The following DHX32 variants were observed in gnomAD, a reference collection of about 807,000 sequenced individuals.
DHX32 encodes the protein putative pre-mRNA-splicing factor ATP-dependent RNA helicase DHX32.
A neutral mutation model predicts 70.0 loss-of-function variants in DHX32; 51 were observed. That is an observed-to-expected ratio of 0.73 (90% CI 0.58 to 0.92). The LOEUF (loss-of-function observed/expected upper bound fraction) is 0.92. Ranked by LOEUF, DHX32 falls within the 40% of genes least tolerant of loss-of-function variation. The probability of loss-of-function intolerance (pLI) is 0.00; values close to 1 mark genes in which losing one functional copy is unlikely to be tolerated. For missense variants in DHX32, 762 were observed against 891.8 expected (o/e 0.85, Z 1.85); for synonymous variants, 310 against 315.3 (o/e 0.98, Z 0.18).
Position 125,873,154 on chromosome 10 carries a change from T to C in DHX32, c.283-5971A>G, listed in dbSNP as rs75237374. ...AGCAGCGGCATCACGTATCCGTGTA[T>C]GGTCTCATCACTGCCACTGTGGCAA... On this transcript the variant is annotated intron_variant, in intron 1 of 10. Coordinates refer to ENST00000284690, the MANE Select transcript of DHX32 (RefSeq NM_018180.3). 8.9e-4 allele frequency among the ~76,000 whole-genome samples: 136 copies of C among 152,334 alleles called. 1 individual carries two copies. The highest frequency in any genetic ancestry group is 3.2e-3 in the African/African-American group (135 of 41,574).
At chr10:125,879,712 C>T (rs1345161946) in intron 1 of DHX32, among the ~76,000 whole-genome samples, 1 of 152,110 alleles carries the variant, frequency 6.6e-6, no homozygotes, top group East Asian at 1.9e-4. Flanking sequence ...AATGCAGGGG[C>T]ATCATCACAG....
chr10:125,838,974 T>C (rs1291361947), intron 9 of DHX32, 27 bp downstream of exon 9: 4 of 1,606,346 alleles, frequency 2.5e-6, no homozygotes, highest in Non-Finnish European at 3.4e-6. Context: ...GCAGAGCCTA[T>C]GCTGAGGTGA....
intron 7 of DHX32, 120 bp from the exon 8 acceptor site, chr10:125,841,116 A>G: frequency 1.5e-6 from 2 of 1,371,208 alleles, no homozygotes; most frequent in Non-Finnish European, 2.0e-6. Flanking sequence ...TACTCTGAAT[A>G]AATATGTTAT....
chr10:125,896,178 C>T (rs1402590994), intron 1 of DHX32: 1 of 157,152 alleles, frequency 6.4e-6, no homozygotes, highest in Non-Finnish European at 1.4e-5. Flanking sequence ...GCCCCTGCGC[C>T]GACCCCCGAC....
rs759957170 is a variant in DHX32, at chr10:125,839,067, A to G, written c.1815T>C (p.Pro605=). ...IKRIELPYAE[P]AFGSKENTLN... is the part of the protein sequence containing the mutation. ...GAGTGTTTTCCTTGGAGCCAAAAGC[A>G]GGTTCTGCATAGGGAAGCTCGATTC... is the stretch of plus-strand genomic sequence containing the variant. Residue 605 remains proline (P), a synonymous_variant, in exon 9 of 11, where the codon CCT becomes CCC. Coordinates refer to ENST00000284690, the MANE Select transcript of DHX32 (RefSeq NM_018180.3). 8 of 1,614,230 alleles carry G rather than the reference A, an allele frequency of 5.0e-6. No individual in the cohort carries two copies. The South Asian group carries it at 8.8e-5, about 18-fold the overall frequency.
In DHX32 at chr10:125,880,837, T is replaced by C; in HGVS notation, c.-13A>G. ...CTTCTTCTTCCATCTTGTCTGACAG[T>C]GAGCTCACGCAGCTGACATTCCACA... On this transcript the variant is annotated 5_prime_UTR_variant, in exon 1 of 11. Coordinates refer to ENST00000284690, the MANE Select transcript of DHX32 (RefSeq NM_018180.3). The C allele has an allele frequency of 2.5e-6, 4 of 1,604,356 alleles. No homozygotes were observed. Among genetic ancestry groups the C allele is most frequent in the Non-Finnish European group, 3.4e-6 (4 of 1,175,974 alleles).
At chr10:125,884,785 G>T (rs1371665257), upstream of DHX32, among the ~76,000 whole-genome samples, 2 of 151,594 alleles carry the variant, frequency 1.3e-5, no homozygotes, top group Admixed American at 6.6e-5. Context: ...CTCCTCTTTT[G>T]TGTGTTTTTT....
At position 125,846,947 on chromosome 10, in the gene DHX32, AC is replaced by A. The variant is rs572652736; in HGVS notation, c.1352-5014del. ...ACCCATCGCGGCCTGGGGGTTGGAGACCCCTGCATTAATGTATATACACATT... is the reference window on the plus strand; with the variant it reads ...ACCCATCGCGGCCTGGGGGTTGGAGACCCTGCATTAATGTATATACACATT... On this transcript the variant is annotated intron_variant, in intron 6 of 10. Coordinates refer to ENST00000284690, the MANE Select transcript of DHX32 (RefSeq NM_018180.3). Among the ~76,000 whole-genome samples, 473 of 152,210 alleles carry A rather than the reference AC, an allele frequency of 3.1e-3. 2 individuals carry two copies. Among genetic ancestry groups the A allele is most frequent in the African/African-American group, 0.011 (449 of 41,526 alleles).
chr10:125,868,315 AAAAT>A (rs1203616037), intron 1 of DHX32, among the ~76,000 whole-genome samples: 3 of 152,104 alleles, frequency 2.0e-5, no homozygotes, highest in Non-Finnish European at 4.4e-5. Flanking sequence ...ATGCATTTTA[AAAAT>A]AAATTATTCC....
intron 6 of DHX32, among the ~76,000 whole-genome samples, chr10:125,851,669 TG>T (rs1354229907): frequency 6.6e-6 from 1 of 152,124 alleles, no homozygotes; most frequent in African/African-American, 2.4e-5. Context: ...TATACTTCTC[TG>T]GCATATTTTG....
At chr10:125,860,313 A>G (rs1345899040) in intron 2 of DHX32, among the ~76,000 whole-genome samples, 1 of 152,226 alleles carries the variant, frequency 6.6e-6, no homozygotes, top group Non-Finnish European at 1.5e-5. Flanking sequence ...CATAAAAAGT[A>G]GTATCATAAA....
chr10:125,845,302 T>C (rs1420542072), intron 6 of DHX32, among the ~76,000 whole-genome samples: 2 of 152,224 alleles, frequency 1.3e-5, no homozygotes, highest in Non-Finnish European at 2.9e-5. Flanking sequence ...CCAGGTCTCT[T>C]TTGTTATAAC....
chr10:125,854,230 A>G (rs764433043), intron 3 of DHX32, 27 bp from the exon 4 acceptor site: 1 of 1,559,482 alleles, frequency 6.4e-7, no homozygotes, highest in East Asian at 2.2e-5. Context: ...CCATGAAAAT[A>G]AAATACAATG....
At chr10:125,882,283 A>G (rs1944321643), upstream of DHX32, among the ~76,000 whole-genome samples, 2 of 152,230 alleles carry the variant, frequency 1.3e-5, 1 homozygote, top group South Asian at 4.1e-4. Flanking sequence ...ACAGTTCATG[A>G]TATTTTGTAA....
chr10:125,892,759 A>G (rs1448423605), intron 1 of DHX32, among the ~76,000 whole-genome samples: 3 of 152,294 alleles, frequency 2.0e-5, no homozygotes, highest in African/African-American at 7.2e-5. Flanking sequence ...ACGACATACA[A>G]GATATTTTCA....
chr10:125,852,338 T>G lies in DHX32; in HGVS notation c.1306A>C (p.Ile436Leu), dbSNP rs1277283025. The change falls in exon 6 of 11, where the codon ATA becomes CTA. Residue 436 changes from isoleucine (I) to leucine (L), a missense_variant. Coordinates refer to ENST00000284690, the MANE Select transcript of DHX32 (RefSeq NM_018180.3). ...CAGTGGCCTAGGCCCGCAATGTCTATCCTCTTCATAAAAAGCACCATGCTT... is the reference window on the plus strand; with the variant it reads ...CAGTGGCCTAGGCCCGCAATGTCTAGCCTCTTCATAAAAAGCACCATGCTT... ...LTSMVLFMKR[I>L]DIAGLGHCDF... The G allele has an allele frequency of 1.9e-6, 3 of 1,614,224 alleles. No homozygotes were observed. The African/African-American group carries it at 4.0e-5, about 22-fold the overall frequency.
upstream of DHX32, among the ~76,000 whole-genome samples, chr10:125,881,945 C>A (rs1944320074): frequency 6.6e-6 from 1 of 152,168 alleles, no homozygotes; most frequent in Non-Finnish European, 1.5e-5. Context: ...GCCCAGCTGG[C>A]TGGCTTTTAT....
rs920097470 is a variant in DHX32, at chr10:125,856,684, G to C, written c.850-2481C>G. On this transcript the variant is annotated intron_variant, in intron 3 of 10. Transcript: ENST00000284690. ...GGCAGGGCTGGGTGCAGTGGCTCATGCCTATAATCCCAGCACTTTGGGAGG... is the reference window on the plus strand; with the variant it reads ...GGCAGGGCTGGGTGCAGTGGCTCATCCCTATAATCCCAGCACTTTGGGAGG... Among the ~76,000 whole-genome samples the C allele has an allele frequency of 6.6e-5, 10 of 152,158 alleles. 1 individual carries two copies. The highest frequency in any genetic ancestry group is 2.4e-4 in the African/African-American group (10 of 41,432).
intron 6 of DHX32, among the ~76,000 whole-genome samples, chr10:125,851,546 A>C (rs940258705): frequency 3.9e-5 from 6 of 152,200 alleles, no homozygotes; most frequent in African/African-American, 1.4e-4. Context: ...GGCTTATGAG[A>C]TGAACAGTGG....
Sources: gnomAD v4.1 joint callset for allele counts (sites outside exome capture counted in the v4.1 genomes callset) on GRCh38, gnomAD v4.1.1 for gene constraint, MANE v1.5 for transcripts, NCBI Gene and HGNC (gene_info 2026-07-23, HGNC 2026-07-21) for gene names.